Variants in NTN1 observed in about 807,000 individuals in gnomAD.
The protein encoded by NTN1 is netrin 1, also known as netrin-1.
A neutral mutation model predicts 54.2 loss-of-function variants in NTN1; 11 were observed. That is an observed-to-expected ratio of 0.20 (90% CI 0.13 to 0.34). The LOEUF (loss-of-function observed/expected upper bound fraction) is 0.34, where lower values mean the gene tolerates loss of function less well. NTN1 is among the 10% of genes least tolerant of loss of function. The pLI, the probability that NTN1 is intolerant of heterozygous loss-of-function variation, is 1.00. For synonymous variants in NTN1, 371 were observed against 382.0 expected, an observed-to-expected ratio of 0.97 and a Z score of 0.33; for missense variants, 740 against 893.1, an observed-to-expected ratio of 0.83 and a Z score of 2.18.
intron 2 of NTN1, among the ~76,000 whole-genome samples, chr17:9,105,710 C>A (rs2092163984): frequency 6.6e-6 from 1 of 151,946 alleles, no homozygotes; most frequent in African/African-American, 2.4e-5. Flanking sequence ...CTCTCTGTTT[C>A]TCTCCTCCTT....
intron 2 of NTN1, among the ~76,000 whole-genome samples, chr17:9,107,921 T>G (rs9901007): frequency 1.3e-5 from 2 of 152,218 alleles, no homozygotes; most frequent in African/African-American, 4.8e-5. Flanking sequence ...TTCTGCTGTT[T>G]GTCATAAATG....
chr17:9,141,884 A>G (rs1166870840), intron 2 of NTN1, among the ~76,000 whole-genome samples: 2 of 152,120 alleles, frequency 1.3e-5, no homozygotes, highest in South Asian at 2.1e-4. Context: ...CAACATGGTG[A>G]AACCCTGTCT....
chr17:9,233,017 A>T (rs1905867544), intron 6 of NTN1, among the ~76,000 whole-genome samples: 1 of 151,966 alleles, frequency 6.6e-6, no homozygotes, highest in East Asian at 1.9e-4. Context: ...TCCGAGGCAG[A>T]TGGGTGACAA....
intron 2 of NTN1, among the ~76,000 whole-genome samples, chr17:9,055,332 T>A (rs1597471643): frequency 6.6e-6 from 1 of 152,194 alleles, no homozygotes; most frequent in Non-Finnish European, 1.5e-5. Flanking sequence ...ACTGCACCAC[T>A]GGACAATGCT....
chr17:9,030,020 T>G (rs914416719), intron 2 of NTN1, among the ~76,000 whole-genome samples: 1 of 151,974 alleles, frequency 6.6e-6, no homozygotes, highest in African/African-American at 2.4e-5. Context: ...ACATAATTTA[T>G]GTGAATTTCC....
chr17:9,060,731 A>G (rs1183634365), intron 2 of NTN1, among the ~76,000 whole-genome samples: 1 of 152,180 alleles, frequency 6.6e-6, no homozygotes, highest in East Asian at 1.9e-4. Flanking sequence ...TAATCCCAGC[A>G]CTTTGGGAGG....
intron 2 of NTN1, among the ~76,000 whole-genome samples, chr17:9,126,132 T>C (rs1316558236): frequency 6.6e-6 from 1 of 152,194 alleles, no homozygotes; most frequent in African/African-American, 2.4e-5. Flanking sequence ...GAGAACAACA[T>C]AGCACTTAAT....
rs1199708979 is a variant in NTN1, at chr17:9,024,334, G to A, written c.1018+943G>A. On this transcript the variant is annotated intron_variant, in intron 2 of 6. Coordinates refer to ENST00000173229, the MANE Select transcript of NTN1 (RefSeq NM_004822.3). ...AAAAAAGGGTGAGGGGAGGTAGCAA[G>A]ACTACACCTTACTTTTTCAGTATGG... Among the ~76,000 whole-genome samples the A allele has an allele frequency of 4.6e-5, 7 of 152,178 alleles. No individual in the cohort carries two copies. The East Asian group carries it at 9.6e-4, about 21-fold the overall frequency.
At chr17:9,147,985 C>T (rs79903371) in intron 2 of NTN1, among the ~76,000 whole-genome samples, 3,114 of 152,270 alleles carry the variant, frequency 0.02, 39 homozygotes, top group African/African-American at 0.035. Context: ...ACTTGCCTTC[C>T]TCCCCCTTGT....
At chr17:9,220,433 A>G (rs1376574992) in intron 5 of NTN1, among the ~76,000 whole-genome samples, 2 of 152,194 alleles carry the variant, frequency 1.3e-5, no homozygotes, top group Admixed American at 6.5e-5. Flanking sequence ...CTGGCAGGGA[A>G]AAGCCATGGT....
At chr17:9,043,746 A>G (rs1176367304) in intron 2 of NTN1, among the ~76,000 whole-genome samples, 1 of 151,652 alleles carries the variant, frequency 6.6e-6, no homozygotes, top group Non-Finnish European at 1.5e-5. Context: ...ACGCCTGGCT[A>G]ATTTTGTGTT....
At chr17:9,179,230 G>A (rs1334883067) in intron 3 of NTN1, 1 of 152,598 alleles carries the variant, frequency 6.6e-6, no homozygotes, top group East Asian at 1.9e-4. Flanking sequence ...TTGTGATTCA[G>A]AAGGCTGCCT....
intron 2 of NTN1, among the ~76,000 whole-genome samples, chr17:9,105,522 G>A (rs149863317): frequency 4.1e-4 from 63 of 152,266 alleles, no homozygotes; most frequent in African/African-American, 1.2e-3. Flanking sequence ...CTGTCAAAAC[G>A]TGGGCGTTCT....
At chr17:9,004,505 C>T in the NTN1 span, among the ~76,000 whole-genome samples, 1 of 152,198 alleles carries the variant, frequency 6.6e-6, no homozygotes, top group African/African-American at 2.4e-5. Flanking sequence ...GATCCGGTGA[C>T]GCGCTAAGTG....
intron 2 of NTN1, among the ~76,000 whole-genome samples, chr17:9,119,240 T>C (rs2142259873): frequency 6.6e-6 from 1 of 152,304 alleles, no homozygotes; most frequent in South Asian, 2.1e-4. Context: ...CAGGCTGGAG[T>C]GCAATGGTGC....
At chr17:9,166,081 G>A (rs974979645) in intron 3 of NTN1, among the ~76,000 whole-genome samples, 3 of 151,986 alleles carry the variant, frequency 2.0e-5, no homozygotes, top group African/African-American at 7.3e-5. Context: ...ATCGTTAGGA[G>A]AAGTTCAGAT....
chr17:9,142,726 C>T (rs1260107614), intron 2 of NTN1, among the ~76,000 whole-genome samples: 1 of 152,000 alleles, frequency 6.6e-6, no homozygotes, highest in Non-Finnish European at 1.5e-5. Context: ...TGTGAACCAA[C>T]CAACCAACCA....
chr17:9,240,977 A>G lies in NTN1; in HGVS notation c.*1009A>G, dbSNP rs1333508727. On this transcript the variant is annotated 3_prime_UTR_variant, in exon 7 of 7. Transcript: ENST00000173229. ...TGGCTGGGTTTACGGCAGTGACACT[A>G]TTTATGTAAATGACATCAGCTCCCG... 2 of 152,162 alleles carry G rather than the reference A, an allele frequency of 1.3e-5. No individual in the cohort carries two copies. 9.4% of individuals were successfully genotyped at this position (152,162 alleles called of 1,614,324 possible). A position where few individuals can be genotyped will look rare whatever the true frequency, so the allele number is the denominator to read the frequency against.
intron 2 of NTN1, among the ~76,000 whole-genome samples, chr17:9,131,338 G>T (rs527600435): frequency 6.6e-6 from 1 of 152,196 alleles, no homozygotes; most frequent in Non-Finnish European, 1.5e-5. Context: ...TGTGTTCATT[G>T]TTTCTCTTCA....
Sources: gnomAD v4.1 joint callset for allele counts (sites outside exome capture counted in the v4.1 genomes callset) on GRCh38, gnomAD v4.1.1 for gene constraint, MANE v1.5 for transcripts, NCBI Gene and HGNC (gene_info 2026-07-23, HGNC 2026-07-21) for gene names.